RASEF: variants seen among roughly 807,000 people sequenced by gnomAD.
The protein encoded by RASEF is RAS and EF-hand domain containing.
Under a neutral mutation model 90.1 loss-of-function variants are expected in RASEF, and 68 were observed. The ratio of observed to expected loss-of-function variants is 0.75; its 90% CI spans 0.62 to 0.92. The LOEUF (loss-of-function observed/expected upper bound fraction) is 0.92, where lower values mean the gene tolerates loss of function less well. RASEF is among the 40% of genes least tolerant of loss of function. RASEF has a pLI of 0.00. For missense variants in RASEF, 949 were observed against 937.2 expected (o/e 1.01, Z -0.16); for synonymous variants, 331 against 345.2 (o/e 0.96, Z 0.46).
At chr9:83,143,019 G>A in the RASEF span, among the ~76,000 whole-genome samples, 1 of 152,136 alleles carries the variant, frequency 6.6e-6, no homozygotes, top group African/African-American at 2.4e-5. Context: ...TTTAATTTAT[G>A]CTGATTAAAC....
chr9:83,135,625 G>A, the RASEF span, among the ~76,000 whole-genome samples: 4 of 152,020 alleles, frequency 2.6e-5, no homozygotes, highest in African/African-American at 4.8e-5. Flanking sequence ...ATAAAAATAA[G>A]TACAGTTAAT....
chr9:83,033,132 A>T (rs1829675601), intron 1 of RASEF, among the ~76,000 whole-genome samples: 1 of 152,212 alleles, frequency 6.6e-6, no homozygotes, highest in East Asian at 1.9e-4. Flanking sequence ...ACGAAAGCAC[A>T]CAGTAATAAA....
At chr9:83,195,637 C>T in the RASEF span, among the ~76,000 whole-genome samples, 1 of 151,950 alleles carries the variant, frequency 6.6e-6, no homozygotes, top group Admixed American at 6.6e-5. Flanking sequence ...GCAGGGAATA[C>T]AGATAATAAA....
the RASEF span, among the ~76,000 whole-genome samples, chr9:83,104,517 C>A: frequency 1.2e-4 from 18 of 152,138 alleles, no homozygotes; most frequent in African/African-American, 3.9e-4. Context: ...AACCACAGAG[C>A]ACTCAATAAC....
At chr9:83,004,826 A>G (rs750157288) in intron 8 of RASEF, among the ~76,000 whole-genome samples, 2 of 152,124 alleles carry the variant, frequency 1.3e-5, no homozygotes, top group Non-Finnish European at 2.9e-5. Context: ...TCCAAACCCT[A>G]CTGCATATTC....
intron 16 of RASEF, among the ~76,000 whole-genome samples, chr9:82,984,150 G>C (rs1670108931): frequency 6.6e-6 from 1 of 152,162 alleles, no homozygotes; most frequent in African/African-American, 2.4e-5. Flanking sequence ...GAATTATTTA[G>C]TAGCCAGATT....
chr9:83,126,331 T>C, the RASEF span, among the ~76,000 whole-genome samples: 3 of 152,180 alleles, frequency 2.0e-5, no homozygotes, highest in African/African-American at 7.2e-5. Flanking sequence ...AGAAGGTGGC[T>C]GTTTGCAAGC....
At chr9:83,062,414 C>T in intron 1 of RASEF, 23 bp downstream of exon 1, 1 of 1,609,974 alleles carries the variant, frequency 6.2e-7, no homozygotes, top group Non-Finnish European at 8.5e-7. Flanking sequence ...GAATAACCTC[C>T]CGCCCCCAGC....
chr9:83,062,615 G>A lies in RASEF; in HGVS notation c.253C>T (p.Pro85Ser), dbSNP rs1249449344. ...LRGGRRRDWGPLDPAPAVSEA... is the reference protein window; with the variant it reads ...LRGGRRRDWGSLDPAPAVSEA... ...GACACGGCGGGCGCGGGATCCAGAG[G>A]ACCCCAGTCCCGGCGCCGCCCCCCG... The change falls in exon 1 of 17, where the codon CCT becomes TCT. Residue 85 changes from proline to serine, a missense_variant. Pro to Ser is a moderately conservative substitution (Grantham distance 74, BLOSUM62 -1). Coordinates refer to ENST00000376447, the MANE Select transcript of RASEF (RefSeq NM_152573.4). 1 of 1,560,246 alleles carries A rather than the reference G, an allele frequency of 6.4e-7. No homozygotes were observed. Among genetic ancestry groups the A allele is most frequent in the African/African-American group, 1.4e-5 (1 of 73,602 alleles).
At chr9:83,077,515 T>C in the RASEF span, among the ~76,000 whole-genome samples, 2 of 152,146 alleles carry the variant, frequency 1.3e-5, no homozygotes, top group East Asian at 1.9e-4. Context: ...AAAATGCAAA[T>C]TGAACTTCTT....
the RASEF span, among the ~76,000 whole-genome samples, chr9:83,086,664 G>A: frequency 4.5e-4 from 68 of 152,258 alleles, 1 homozygote; most frequent in Non-Finnish European, 8.2e-4. Context: ...CCCTCACAGC[G>A]TTGGCAGCAA....
At chr9:83,158,099 C>T in the RASEF span, among the ~76,000 whole-genome samples, 26,345 of 152,102 alleles carry the variant, frequency 0.17, 2,352 homozygotes, top group Middle Eastern at 0.23. Context: ...TTTTTCTGTA[C>T]ATGTAAGAAA....
chr9:83,167,530 C>T, the RASEF span, among the ~76,000 whole-genome samples: 5 of 152,084 alleles, frequency 3.3e-5, no homozygotes, highest in Non-Finnish European at 5.9e-5. Context: ...ACATATAACT[C>T]ACACACATAT....
chr9:82,984,223 T>G (rs1412335909), intron 16 of RASEF, among the ~76,000 whole-genome samples: 1 of 152,210 alleles, frequency 6.6e-6, no homozygotes, highest in South Asian at 2.1e-4. Context: ...TAGCCCAGTA[T>G]AGCAAAAATA....
At chr9:82,998,289 T>C (rs1362465939) in intron 13 of RASEF, 76 bp downstream of exon 13, 8 of 764,072 alleles carry the variant, frequency 1.0e-5, no homozygotes, top group Non-Finnish European at 1.8e-5. Flanking sequence ...ATTTTGAGTA[T>C]GAAGAACATC....
At chr9:83,056,293 C>T (rs1376208885) in intron 1 of RASEF, among the ~76,000 whole-genome samples, 2 of 152,158 alleles carry the variant, frequency 1.3e-5, no homozygotes, top group African/African-American at 4.8e-5. Context: ...TTAGAACTTC[C>T]CTCTGGGAGA....
In RASEF at chr9:83,004,063, T is replaced by C. The variant is rs1237172702; in HGVS notation, c.1202+435A>G. Among the ~76,000 whole-genome samples the C allele has an allele frequency of 2.6e-5, 4 of 152,334 alleles. No homozygotes were observed. In the East Asian group the frequency reaches 7.7e-4, roughly 29 times the overall value. Reference sequence around the variant, plus strand: ...TACAAGGATCTACTAGTGATATTTATATTTGCTTTGAGAGTTTCCCTTTTC... The same window carrying C: ...TACAAGGATCTACTAGTGATATTTACATTTGCTTTGAGAGTTTCCCTTTTC... On this transcript the variant is annotated intron_variant, in intron 9 of 16. Transcript: ENST00000376447.
the RASEF span, among the ~76,000 whole-genome samples, chr9:83,103,866 A>C: frequency 6.6e-6 from 1 of 152,218 alleles, no homozygotes. Context: ...TGTATTAAGC[A>C]ATAGAATTCC....
Position 83,063,092 on chromosome 9 carries a change from G to A in RASEF, c.-225C>T. On this transcript the variant is annotated 5_prime_UTR_variant, in exon 1 of 17. Coordinates refer to ENST00000376447, the MANE Select transcript of RASEF (RefSeq NM_152573.4). ...CCAGCCCCCAACAGGTCCCGGGAGC[G>A]GTGGGGTGCGCCCGGGCTCCAGGCA... The A allele has an allele frequency of 4.1e-6, 2 of 484,440 alleles. No homozygotes were observed. The highest frequency in any genetic ancestry group is 5.4e-4 in the Middle Eastern group (1 of 1,866). 30.0% of individuals were successfully genotyped at this position (484,440 alleles called of 1,614,324 possible).
Sources: allele counts gnomAD v4.1 joint callset (sites outside exome capture counted in the v4.1 genomes callset), GRCh38; gene constraint gnomAD v4.1.1; transcripts MANE v1.5; gene names NCBI Gene and HGNC (gene_info 2026-07-23, HGNC 2026-07-21).